The following TWSG1 variants were observed in gnomAD, a reference collection of about 807,000 sequenced individuals.
TWSG1 encodes twisted gastrulation BMP signaling modulator 1.
TWSG1 carries 15 observed loss-of-function variants against 23.0 expected under a neutral mutation model. The ratio of observed to expected loss-of-function variants is 0.65; its 90% CI spans 0.44 to 1.00. The LOEUF (loss-of-function observed/expected upper bound fraction) is 1.00, where lower values mean the gene tolerates loss of function less well. Ranked by LOEUF, TWSG1 falls within the 50% of genes least tolerant of loss-of-function variation. TWSG1 has a pLI of 0.00. For synonymous variants in TWSG1, 86 were observed against 92.8 expected (o/e 0.93, Z 0.42); for missense variants, 242 against 278.7 (o/e 0.87, Z 0.94).
Position 9,401,675 on chromosome 18 carries a change from A to G in TWSG1, c.*2148A>G, listed in dbSNP as rs2040763423. 1 of 152,150 alleles carries G rather than the reference A, an allele frequency of 6.6e-6. No individual in the cohort carries two copies. The highest frequency in any genetic ancestry group is 2.4e-5 in the African/African-American group (1 of 41,432). 9.4% of individuals were successfully genotyped at this position (152,150 alleles called of 1,614,324 possible). A position where few individuals can be genotyped will look rare whatever the true frequency, so the allele number is the denominator to read the frequency against. ...TTGAAAGAAAGAATTCACCTAAAAG[A>G]TTCCATTTCCAGTTTTATAATGTAT... On this transcript the variant is annotated 3_prime_UTR_variant, in exon 5 of 5. Transcript: ENST00000262120.
intron 3 of TWSG1, among the ~76,000 whole-genome samples, chr18:9,374,365 G>A (rs1275670810): frequency 2.0e-5 from 3 of 152,068 alleles, no homozygotes; most frequent in Non-Finnish European, 4.4e-5. Flanking sequence ...TAGATCCTAT[G>A]GATAGTAAAA....
At chr18:9,390,150 C>T (rs565759072) in intron 3 of TWSG1, among the ~76,000 whole-genome samples, 68 of 97,356 alleles carry the variant, frequency 7.0e-4, no homozygotes, top group African/African-American at 2.5e-3. Context: ...GTATCTGTGA[C>T]AGTTTCTTTC....
chr18:9,389,064 C>T (rs2040698973), intron 3 of TWSG1, among the ~76,000 whole-genome samples: 1 of 151,954 alleles, frequency 6.6e-6, no homozygotes, highest in Non-Finnish European at 1.5e-5. Flanking sequence ...GCAACCTCCA[C>T]CTCCCGGGTT....
At position 9,340,583 on chromosome 18, in the gene TWSG1, A is replaced by AC. The variant is rs1292036959; in HGVS notation, c.123+3235dup. Among the ~76,000 whole-genome samples, 5 of 152,120 alleles carry AC rather than the reference A, an allele frequency of 3.3e-5. No individual in the cohort carries two copies. The East Asian group carries it at 9.7e-4, about 29-fold the overall frequency. On this transcript the variant is annotated intron_variant, in intron 2 of 4. Coordinates refer to ENST00000262120, the MANE Select transcript of TWSG1 (RefSeq NM_020648.6). ...TCTTACTATGGCTGTGTGGCAAACC[A>AC]CCCCAAAAACCAGTGGCTGGAAACA...
At chr18:9,378,894 T>C (rs770522683) in intron 3 of TWSG1, among the ~76,000 whole-genome samples, 68 of 151,310 alleles carry the variant, frequency 4.5e-4, no homozygotes, top group Non-Finnish European at 8.8e-4. Context: ...GGCTGGAGGA[T>C]CACTAGAGCC....
At position 9,341,748 on chromosome 18, in the gene TWSG1, A is replaced by C. The variant is rs1248806803; in HGVS notation, c.123+4396A>C. Among the ~76,000 whole-genome samples, 8 of 151,838 alleles carry C rather than the reference A, an allele frequency of 5.3e-5. No individual in the cohort carries two copies. In the East Asian group the frequency reaches 1.4e-3, roughly 26 times the overall value. ...TATCAACTGGAGACACTATCTCTTT[A>C]TTCCTGATGTAAGTGGAGAATATTA... On this transcript the variant is annotated intron_variant, in intron 2 of 4. Coordinates refer to ENST00000262120, the MANE Select transcript of TWSG1 (RefSeq NM_020648.6).
intron 3 of TWSG1, among the ~76,000 whole-genome samples, chr18:9,395,538 T>C (rs1427324562): frequency 6.6e-6 from 1 of 152,198 alleles, no homozygotes; most frequent in Non-Finnish European, 1.5e-5. Context: ...AAGAACTTAT[T>C]GATTCTTGTT....
intron 2 of TWSG1, among the ~76,000 whole-genome samples, chr18:9,358,173 G>A (rs1037247819): frequency 3.9e-5 from 6 of 152,028 alleles, no homozygotes; most frequent in African/African-American, 7.2e-5. Flanking sequence ...TCAGAATGGC[G>A]TCTTCCCTCC....
intron 3 of TWSG1, among the ~76,000 whole-genome samples, chr18:9,371,390 G>C (rs1007071596): frequency 6.7e-6 from 1 of 149,948 alleles, no homozygotes; most frequent in Non-Finnish European, 1.5e-5. Flanking sequence ...TCTGCCTCCT[G>C]GGTTCAAACT....
chr18:9,364,481 A>C, intron 3 of TWSG1, among the ~76,000 whole-genome samples: 1 of 152,158 alleles, frequency 6.6e-6, no homozygotes, highest in Non-Finnish European at 1.5e-5. Context: ...CCATTGCCTG[A>C]GTCAGCTACT....
chr18:9,360,112 A>G lies in TWSG1; in HGVS notation c.223+41A>G. On this transcript the variant is annotated intron_variant, in intron 3 of 4. Transcript: ENST00000262120. ...GGGAGACTTCTTAATATTTCTTATC[A>G]CAGAATCCTTGGCTTTAAGAGACTT... The G allele has an allele frequency of 3.9e-6, 6 of 1,527,354 alleles. 1 individual carries two copies. Among genetic ancestry groups the G allele is most frequent in the South Asian group, 2.3e-5 (2 of 88,572 alleles). 94.6% of individuals were successfully genotyped at this position (1,527,354 alleles called of 1,614,324 possible).
intron 3 of TWSG1, among the ~76,000 whole-genome samples, chr18:9,362,333 A>G (rs998276031): frequency 2.0e-5 from 3 of 151,918 alleles, no homozygotes; most frequent in Non-Finnish European, 1.5e-5. Context: ...TCAGCCTCCC[A>G]AGTAGGTGGG....
At chr18:9,383,279 C>T (rs1028677830) in intron 3 of TWSG1, among the ~76,000 whole-genome samples, 40 of 150,292 alleles carry the variant, frequency 2.7e-4, no homozygotes, top group African/African-American at 8.9e-4. Flanking sequence ...CTGCAGACTC[C>T]GCCTCCCAGG....
chr18:9,362,715 G>A (rs1381345142), intron 3 of TWSG1, among the ~76,000 whole-genome samples: 1 of 152,140 alleles, frequency 6.6e-6, no homozygotes, highest in Non-Finnish European at 1.5e-5. Flanking sequence ...TAGGAAGAGA[G>A]TTCTGCATTT....
intron 2 of TWSG1, among the ~76,000 whole-genome samples, chr18:9,338,746 G>A (rs1250847906): frequency 2.0e-5 from 3 of 152,104 alleles, no homozygotes; most frequent in Non-Finnish European, 4.4e-5. Context: ...GGAGTCTGTG[G>A]TACCTCCCAG....
intron 2 of TWSG1, among the ~76,000 whole-genome samples, chr18:9,346,899 A>G (rs926469903): frequency 2.0e-5 from 3 of 152,216 alleles, no homozygotes; most frequent in African/African-American, 7.2e-5. Flanking sequence ...TTTGTAAGAA[A>G]TTGCCAAACT....
At chr18:9,343,822 G>C (rs1429337398) in intron 2 of TWSG1, among the ~76,000 whole-genome samples, 1 of 152,152 alleles carries the variant, frequency 6.6e-6, no homozygotes. Context: ...GGATATTTGA[G>C]TTACTTATAT....
chr18:9,348,766 T>TA (rs2040488504), intron 2 of TWSG1, among the ~76,000 whole-genome samples: 1 of 152,192 alleles, frequency 6.6e-6, no homozygotes, highest in Non-Finnish European at 1.5e-5. Context: ...TATAAAAAGA[T>TA]ATTAGTTCCC....
chr18:9,351,253 C>T (rs1450784647), intron 2 of TWSG1, among the ~76,000 whole-genome samples: 2 of 151,982 alleles, frequency 1.3e-5, no homozygotes, highest in East Asian at 1.9e-4. Flanking sequence ...CCCCCAAATT[C>T]AGAAAATACA....
Sources: allele counts gnomAD v4.1 joint callset (sites outside exome capture counted in the v4.1 genomes callset), GRCh38; gene constraint gnomAD v4.1.1; transcripts MANE v1.5; gene names NCBI Gene and HGNC (gene_info 2026-07-23, HGNC 2026-07-21).